MYT1L: variants seen among roughly 807,000 people sequenced by gnomAD.
MYT1L encodes myelin transcription factor 1-like protein.
A neutral mutation model predicts 126.7 loss-of-function variants in MYT1L; 12 were observed. The ratio of observed to expected loss-of-function variants is 0.09; its 90% CI spans 0.06 to 0.15. The LOEUF is 0.15. Among genes scored for constraint, MYT1L ranks in the 10% least tolerant of loss-of-function variants. The probability of loss-of-function intolerance (pLI) is 1.00; values close to 1 mark genes in which losing one functional copy is unlikely to be tolerated. For missense variants in MYT1L, 979 were observed against 1,585.2 expected, an observed-to-expected ratio of 0.62 and a Z score of 6.49; for synonymous variants, 541 against 604.2, an observed-to-expected ratio of 0.90 and a Z score of 1.53.
Position 2,059,279 on chromosome 2 carries a change from T to G in MYT1L, c.-303-5156A>C, listed in dbSNP as rs1309302828. Among the ~76,000 whole-genome samples the G allele has an allele frequency of 2.0e-5, 3 of 152,120 alleles. No homozygotes were observed. The highest frequency in any genetic ancestry group is 4.4e-5 in the Non-Finnish European group (3 of 68,046). Reference sequence around the variant, plus strand: ...GGGGTCGCAACTGCTTTTCGCAGGATTGTTTTATTATTTCCAGTGACTTTC... The same window carrying G: ...GGGGTCGCAACTGCTTTTCGCAGGAGTGTTTTATTATTTCCAGTGACTTTC... On this transcript the variant is annotated intron_variant, in intron 3 of 24. Coordinates refer to ENST00000647738, the MANE Select transcript of MYT1L (RefSeq NM_001303052.2). This position sits in a 1 kb window ranked among gnomAD's most constrained non-coding sequence, Gnocchi z 4.7.
At chr2:2,251,880 G>A (rs748202580) in intron 2 of MYT1L, among the ~76,000 whole-genome samples, 5 of 147,246 alleles carry the variant, frequency 3.4e-5, no homozygotes, top group Non-Finnish European at 7.5e-5. Context: ...GAAGGAGAAA[G>A]AAAGAAGAAC....
intron 2 of MYT1L, among the ~76,000 whole-genome samples, chr2:2,204,170 C>A (rs960527862): frequency 1.3e-5 from 2 of 152,232 alleles, no homozygotes; most frequent in Admixed American, 1.3e-4. Flanking sequence ...AGAAGAAAAC[C>A]TAGGCAATAT....
chr2:2,226,637 G>A (rs1320249116), intron 2 of MYT1L, among the ~76,000 whole-genome samples: 2 of 152,102 alleles, frequency 1.3e-5, no homozygotes, highest in Non-Finnish European at 2.9e-5. Flanking sequence ...TCCAAGGTTG[G>A]GCTTCCAAAC....
In MYT1L at chr2:2,169,086, T is replaced by G. The variant is rs574868852; in HGVS notation, c.-304+3786A>C. ...TAAGAAGCAATTATTATGTCCATTT[T>G]ACTGATGGGGAAACTGAAACTCAGG... On this transcript the variant is annotated intron_variant, in intron 3 of 24. Transcript: ENST00000647738. Among the ~76,000 whole-genome samples, 3 of 152,350 alleles carry G rather than the reference T, an allele frequency of 2.0e-5. No homozygotes were observed. The South Asian group carries it at 6.2e-4, about 32-fold the overall frequency.
rs1401650546 is a variant in MYT1L, at chr2:1,852,177, G to T, written c.2712-474C>A. Among the ~76,000 whole-genome samples the T allele has an allele frequency of 6.6e-6, 1 of 152,136 alleles. No homozygotes were observed. Among genetic ancestry groups the T allele is most frequent in the African/African-American group, 2.4e-5 (1 of 41,432 alleles). On this transcript the variant is annotated intron_variant, in intron 18 of 24. Coordinates refer to ENST00000647738, the MANE Select transcript of MYT1L (RefSeq NM_001303052.2). This position sits in a 1 kb window ranked among gnomAD's most constrained non-coding sequence, Gnocchi z 4.0. ...GCAAAGGCACCCCTTCCACAGACTG[G>T]CCAGGGCTGCGGCCAGCCTGGGTGG...
At chr2:1,880,428 C>G (rs148655108) in intron 18 of MYT1L, among the ~76,000 whole-genome samples, 57 of 152,240 alleles carry the variant, frequency 3.7e-4, no homozygotes, top group African/African-American at 1.2e-3. Flanking sequence ...ACCTCTGCCT[C>G]CCGGGTTCCA....
At chr2:2,049,892 A>C (rs940486700) in intron 4 of MYT1L, among the ~76,000 whole-genome samples, 1 of 152,062 alleles carries the variant, frequency 6.6e-6, no homozygotes, top group African/African-American at 2.4e-5. Flanking sequence ...TTTCTTCATA[A>C]GTTGCCCAGT....
chr2:2,220,456 G>T (rs1424827238), intron 2 of MYT1L, among the ~76,000 whole-genome samples: 1 of 152,116 alleles, frequency 6.6e-6, no homozygotes, highest in Non-Finnish European at 1.5e-5. Flanking sequence ...GGAGGCTAAG[G>T]TTCTTTTGAA....
chr2:2,109,736 A>G (rs955236983), intron 3 of MYT1L, among the ~76,000 whole-genome samples: 3 of 151,618 alleles, frequency 2.0e-5, no homozygotes, highest in African/African-American at 7.3e-5. Flanking sequence ...AGAATTTAAT[A>G]GATGGCCACT....
At chr2:2,186,076 C>T (rs371175817) in intron 2 of MYT1L, among the ~76,000 whole-genome samples, 1 of 111,310 alleles carries the variant, frequency 9.0e-6, no homozygotes, top group Non-Finnish European at 1.8e-5. Context: ...CGCGTTCCTT[C>T]CGTGAGGGGG....
intron 3 of MYT1L, among the ~76,000 whole-genome samples, chr2:2,094,263 GA>G (rs1348583793): frequency 2.6e-5 from 4 of 152,124 alleles, no homozygotes; most frequent in Non-Finnish European, 5.9e-5. Flanking sequence ...AAAAAGTCAG[GA>G]AACAACAGGT....
In MYT1L at chr2:1,917,483, G is replaced by A. The variant is rs2053011010; in HGVS notation, c.1484-144C>T. ...GGCTGTGACATCAGACTTTTGCTTA[G>A]ATAGTTCTTTGGTTTTGGGTGACTT... On this transcript the variant is annotated intron_variant, in intron 10 of 24. Transcript: ENST00000647738. The surrounding 1 kb of genome is among the most constrained non-coding windows in gnomAD (Gnocchi z 5.9). The A allele has an allele frequency of 2.1e-5, 20 of 960,490 alleles. No homozygotes were observed. The highest frequency in any genetic ancestry group is 3.1e-5 in the Non-Finnish European group (20 of 649,908). 59.5% of individuals were successfully genotyped at this position (960,490 alleles called of 1,614,324 possible).
chr2:1,823,974 C>T (rs770025276), intron 21 of MYT1L, among the ~76,000 whole-genome samples: 2 of 151,570 alleles, frequency 1.3e-5, no homozygotes, highest in African/African-American at 2.4e-5. Context: ...GTCCCTGGCA[C>T]GACCCATGGG....
intron 3 of MYT1L, among the ~76,000 whole-genome samples, chr2:2,127,633 T>C (rs1412547364): frequency 6.6e-6 from 1 of 152,160 alleles, no homozygotes; most frequent in Non-Finnish European, 1.5e-5. Flanking sequence ...CCGTCCTGAG[T>C]GTTATGTAAA....
chr2:1,850,172 C>T (rs2043049173), intron 19 of MYT1L, among the ~76,000 whole-genome samples: 1 of 132,004 alleles, frequency 7.6e-6, no homozygotes, highest in Non-Finnish European at 1.7e-5. Context: ...TTCCCTTCCC[C>T]TCCCCCTCCC....
intron 3 of MYT1L, among the ~76,000 whole-genome samples, chr2:2,112,050 A>C (rs2079530399): frequency 6.6e-6 from 1 of 152,258 alleles, no homozygotes; most frequent in African/African-American, 2.4e-5. Flanking sequence ...GCGTCACAAG[A>C]AACAAACCCC....
At chr2:2,163,525 A>G (rs1278483794) in intron 3 of MYT1L, among the ~76,000 whole-genome samples, 2 of 151,722 alleles carry the variant, frequency 1.3e-5, no homozygotes, top group African/African-American at 4.8e-5. Flanking sequence ...GGAGATCGAG[A>G]CCATCCTGGC....
At chr2:1,795,292 C>T (rs906632525) in intron 23 of MYT1L, among the ~76,000 whole-genome samples, 2 of 152,232 alleles carry the variant, frequency 1.3e-5, no homozygotes, top group Non-Finnish European at 2.9e-5. Flanking sequence ...ATTTGTTATT[C>T]CTGGGGCCTC....
chr2:1,995,798 C>T (rs1034742611), intron 5 of MYT1L, among the ~76,000 whole-genome samples: 9 of 152,110 alleles, frequency 5.9e-5, no homozygotes, highest in East Asian at 1.9e-4. Context: ...AGGAGGCCAG[C>T]GTGTAGTGGG....
Sources: gnomAD v4.1 joint callset for allele counts (sites outside exome capture counted in the v4.1 genomes callset) on GRCh38, gnomAD v4.1.1 for gene constraint, Gnocchi (gnomAD v3.1) non-coding constraint, MANE v1.5 for transcripts, NCBI Gene and HGNC (gene_info 2026-07-23, HGNC 2026-07-21) for gene names.